The following TP53BP2 variants were observed in gnomAD, a reference collection of about 807,000 sequenced individuals.
The protein encoded by TP53BP2 is apoptosis-stimulating of p53 protein 2.
In TP53BP2, 62 loss-of-function variants were observed where a neutral mutation model predicts 126.2. The observed-to-expected ratio is 0.49, with a 90% CI of 0.40 to 0.61. The LOEUF (loss-of-function observed/expected upper bound fraction) is 0.61, where lower values mean the gene tolerates loss of function less well. Among genes scored for constraint, TP53BP2 ranks in the 20% least tolerant of loss-of-function variants. The pLI is 0.00. For synonymous variants in TP53BP2, 485 were observed against 502.9 expected (o/e 0.96, Z 0.48); for missense variants, 1,215 against 1,402.8 (o/e 0.87, Z 2.14).
At chr1:223,821,083 G>T in intron 2 of TP53BP2, 137 bp downstream of exon 2, 1 of 1,093,310 alleles carries the variant, frequency 9.1e-7, no homozygotes, top group Non-Finnish European at 1.3e-6. Context: ...GCTGGATCAG[G>T]AACACTATTT....
chr1:223,804,707 T>C (rs970866505), intron 5 of TP53BP2, among the ~76,000 whole-genome samples: 1 of 152,198 alleles, frequency 6.6e-6, no homozygotes, highest in Non-Finnish European at 1.5e-5. Context: ...ACTATTTAAA[T>C]GCACAAGATT....
In TP53BP2 at chr1:223,793,320, G is replaced by A. The variant is rs761904480; in HGVS notation, c.2845C>T (p.Gln949Ter). Reference protein sequence around the residue: ...SSLEGEFDLVQRIIYEVDDPS... With the variant: ...SSLEGEFDLV ...AATCATACCTCATAAATAATTCTCT[G>A]TACAAGGTCAAATTCTCCCTCCAAA... Residue 949 changes from glutamine to a stop codon, truncating the protein, a stop_gained, in exon 14 of 18, where the codon CAG becomes TAG. Coordinates refer to ENST00000343537, the MANE Select transcript of TP53BP2 (RefSeq NM_001031685.3). LOFTEE classifies it high-confidence loss of function. 2 of 1,605,258 alleles carry A rather than the reference G, an allele frequency of 1.2e-6. No homozygotes were observed. Among genetic ancestry groups the A allele is most frequent in the African/African-American group, 1.3e-5 (1 of 74,468 alleles).
At position 223,810,454 on chromosome 1, in the gene TP53BP2, C is replaced by G; in HGVS notation, c.349G>C (p.Glu117Gln). 6.2e-7 allele frequency: 1 copy of G among 1,610,240 alleles called. No individual in the cohort carries two copies. ...ACACCGTTCTCCTTTCTTCGATATT[C>G]ACCAGGAACTTTTACACCATTTCTT... ...LKRNGVKVPGEYRRKENGVNS... is the reference protein window; with the variant it reads ...LKRNGVKVPGQYRRKENGVNS... Residue 117 changes from glutamate to glutamine, a missense_variant, in exon 4 of 18, where the codon GAA (glutamate) becomes CAA (glutamine). Physicochemically the swap from Glu to Gln is conservative, Grantham distance 29 (BLOSUM62 2). Around this residue, in one of 4 missense-constraint regions of TP53BP2, gnomAD observed 814 missense variants for 853.0 expected, o/e 0.95. Transcript: ENST00000343537.
rs1424661473 is a variant in TP53BP2, at chr1:223,821,260, G to A, written c.135C>T (p.Gly45=). 3.7e-6 allele frequency: 6 copies of A among 1,613,870 alleles called. No homozygotes were observed. Among genetic ancestry groups the A allele is most frequent in the Admixed American group, 1.7e-5 (1 of 60,004 alleles). Residue 45 remains glycine, a synonymous_variant, in exon 2 of 18, where the codon GGC becomes GGT. Transcript: ENST00000343537. ...RDVVDLCKEP[G]ESDCHLAEVW... is the part of the protein sequence containing the mutation. ...CTTCAGCCAAATGGCAATCACTCTC[G>A]CCGGGTTCTTTGCACAGATCCACCA...
Position 223,803,291 on chromosome 1 carries a change from G to C in TP53BP2, c.811C>G (p.Arg271Gly), listed in dbSNP as rs751721084. The C allele has an allele frequency of 1.2e-6, 2 of 1,612,152 alleles. No individual in the cohort carries two copies. The highest frequency in any genetic ancestry group is 1.7e-6 in the Non-Finnish European group (2 of 1,179,484). ...DNQSAVAELD[R>G]LYKELQLRNK... ...TCTACCTGCAGCTCCTTATAGAGGC[G>C]ATCAAGCTCAGCCACTGCAGACTGA... is the stretch of plus-strand genomic sequence containing the variant. Residue 271 changes from arginine to glycine, a missense_variant, in exon 7 of 18, where the codon CGC becomes GGC. Around this residue, in one of 4 missense-constraint regions of TP53BP2, gnomAD observed 814 missense variants for 853.0 expected, o/e 0.95. Transcript: ENST00000343537.
chr1:223,813,246 C>A (rs1387224054), intron 3 of TP53BP2, among the ~76,000 whole-genome samples: 1 of 152,172 alleles, frequency 6.6e-6, no homozygotes, highest in Non-Finnish European at 1.5e-5. Flanking sequence ...CATTACCGCC[C>A]AAATGCTAGC....
At chr1:223,830,501 T>A (rs1271980796) in intron 1 of TP53BP2, among the ~76,000 whole-genome samples, 1 of 151,864 alleles carries the variant, frequency 6.6e-6, no homozygotes, top group African/African-American at 2.4e-5. Flanking sequence ...CACAGAATTA[T>A]GTATATCTCA....
chr1:223,797,779 G>GAT (rs1446683993), intron 12 of TP53BP2, among the ~76,000 whole-genome samples: 1 of 143,626 alleles, frequency 7.0e-6, no homozygotes, highest in Non-Finnish European at 1.6e-5. Flanking sequence ...ATATGTGTGT[G>GAT]ATGTGTGTGT....
intron 4 of TP53BP2, among the ~76,000 whole-genome samples, chr1:223,807,276 T>C (rs1021865560): frequency 2.0e-5 from 3 of 152,210 alleles, no homozygotes; most frequent in African/African-American, 7.2e-5. Flanking sequence ...ACAACAGAAG[T>C]GTTTGATCAT....
chr1:223,780,950 A>C, intron 17 of TP53BP2, 56 bp from the exon 18 acceptor site: 2 of 1,521,170 alleles, frequency 1.3e-6, no homozygotes, highest in Non-Finnish European at 1.8e-6. Flanking sequence ...GGAATATAAC[A>C]AAATTTCAAG....
chr1:223,804,648 C>T (rs1388800339), intron 5 of TP53BP2, among the ~76,000 whole-genome samples: 1 of 152,152 alleles, frequency 6.6e-6, no homozygotes, highest in Non-Finnish European at 1.5e-5. Flanking sequence ...TAAACTGTTG[C>T]AACAATTTTA....
chr1:223,796,067 T>G lies in TP53BP2; in HGVS notation c.2472A>C (p.Thr824=). Residue 824 remains threonine (T), a synonymous_variant, in exon 13 of 18, where the codon ACA becomes ACC. Transcript: ENST00000343537. This position sits in a 1 kb window ranked among gnomAD's most constrained non-coding sequence, Gnocchi z 4.2. ...LSPEDVGNAS[T]ENSDMPAPSP... ...AAGGAGCTGGCATGTCACTGTTCTC[T>G]GTACTGGCATTCCCCACATCCTCTG... 1 of 1,614,204 alleles carries G rather than the reference T, an allele frequency of 6.2e-7. No homozygotes were observed. The highest frequency in any genetic ancestry group is 8.5e-7 in the Non-Finnish European group (1 of 1,180,036).
chr1:223,820,953 C>T (rs1663281979), intron 2 of TP53BP2: 2 of 496,684 alleles, frequency 4.0e-6, no homozygotes, highest in South Asian at 4.7e-5. Context: ...TACAAAGACA[C>T]TGTTGAGCAC....
At chr1:223,842,594 CA>C (rs1298305355) in intron 1 of TP53BP2, among the ~76,000 whole-genome samples, 4 of 152,324 alleles carry the variant, frequency 2.6e-5, no homozygotes, top group African/African-American at 9.6e-5. Context: ...ATTATTTCAA[CA>C]GCAGGTACAA....
At chr1:223,797,819 C>T (rs1005615970) in intron 12 of TP53BP2, among the ~76,000 whole-genome samples, 12 of 151,806 alleles carry the variant, frequency 7.9e-5, no homozygotes, top group Non-Finnish European at 7.4e-5. Flanking sequence ...TACATGTCTA[C>T]GTATATATGT....
At chr1:223,819,054 A>C (rs1663200797) in intron 2 of TP53BP2, among the ~76,000 whole-genome samples, 1 of 151,638 alleles carries the variant, frequency 6.6e-6, no homozygotes, top group Non-Finnish European at 1.5e-5. Flanking sequence ...GTGGTGGCGT[A>C]TGCCTGTAAT....
chr1:223,792,553 T>C, intron 14 of TP53BP2, 31 bp from the exon 15 acceptor site: 1 of 1,610,338 alleles, frequency 6.2e-7, no homozygotes, highest in Non-Finnish European at 8.5e-7. Context: ...AGCATCACTC[T>C]AGTTTCTTGT....
chr1:223,787,093 A>G (rs1344044090), intron 16 of TP53BP2, among the ~76,000 whole-genome samples: 2 of 151,560 alleles, frequency 1.3e-5, no homozygotes, highest in African/African-American at 4.9e-5. Flanking sequence ...ATGGAGTTTC[A>G]CCATGTTGGC....
chr1:223,812,031 A>AC (rs1447563354), intron 3 of TP53BP2, among the ~76,000 whole-genome samples: 2 of 149,900 alleles, frequency 1.3e-5, no homozygotes, highest in African/African-American at 4.9e-5. Flanking sequence ...ATAGAGAACA[A>AC]AAAAAAAAAT....
Sources: allele counts gnomAD v4.1 joint callset (sites outside exome capture counted in the v4.1 genomes callset), GRCh38; gene constraint gnomAD v4.1.1; regional missense constraint gnomAD v4.1.1; non-coding constraint Gnocchi (gnomAD v3.1); transcripts MANE v1.5; gene names NCBI Gene and HGNC (gene_info 2026-07-23, HGNC 2026-07-21).